The following PKD1L3 variants were observed in gnomAD, a reference collection of about 807,000 sequenced individuals.
PKD1L3 encodes the protein polycystin-1-like protein 3.
Under a neutral mutation model 184.1 loss-of-function variants are expected in PKD1L3, and 239 were observed. The observed-to-expected ratio is 1.30, with a 90% CI of 1.17 to 1.45. The LOEUF (loss-of-function observed/expected upper bound fraction) is 1.45, where lower values mean the gene tolerates loss of function less well. PKD1L3 is among the 40% of genes most tolerant of loss of function. The pLI is 0.00. For missense variants in PKD1L3, 2,660 were observed against 2,067.2 expected, an observed-to-expected ratio of 1.29 and a Z score of -5.56; for synonymous variants, 996 against 778.8, an observed-to-expected ratio of 1.28 and a Z score of -4.64.
At chr16:71,996,176 A>G (rs1173319123) in intron 2 of PKD1L3, among the ~76,000 whole-genome samples, 2 of 151,152 alleles carry the variant, frequency 1.3e-5, no homozygotes, top group African/African-American at 4.9e-5. Flanking sequence ...ACAACAGGAT[A>G]TGGACGCTGA....
At position 71,967,853 on chromosome 16, in the gene PKD1L3, G is replaced by A. The variant is rs184689720; in HGVS notation, c.2286+53C>T. On this transcript the variant is annotated intron_variant, in intron 14 of 29. Coordinates refer to ENST00000620267, the MANE Select transcript of PKD1L3 (RefSeq NM_181536.2). ...CCAGGATATCACCAACTCAGAGTGT[G>A]TCTCATGTGGCAGAAGACACAAGGC... 7.1e-6 allele frequency: 10 copies of A among 1,418,380 alleles called. No homozygotes were observed. The Admixed American group carries it at 2.0e-4, about 29-fold the overall frequency. 87.9% of individuals were successfully genotyped at this position (1,418,380 alleles called of 1,614,324 possible).
chr16:71,990,013 T>C (rs1312732600), intron 4 of PKD1L3, among the ~76,000 whole-genome samples: 1 of 149,552 alleles, frequency 6.7e-6, no homozygotes, highest in African/African-American at 2.5e-5. Context: ...AGGTAGAGGT[T>C]GCAGTGAGCC....
At chr16:71,961,253 G>C (rs1381197885) in intron 16 of PKD1L3, among the ~76,000 whole-genome samples, 1 of 152,060 alleles carries the variant, frequency 6.6e-6, no homozygotes, top group African/African-American at 2.4e-5. Flanking sequence ...CTCCCCAGTA[G>C]CTGGGACTAC....
At chr16:71,931,465 T>TC (rs1333444970) in intron 28 of PKD1L3, among the ~76,000 whole-genome samples, 1 of 138,858 alleles carries the variant, frequency 7.2e-6, no homozygotes, top group African/African-American at 2.9e-5. Flanking sequence ...CTCCCCCACT[T>TC]TTTTTTTTTT....
intron 24 of PKD1L3, among the ~76,000 whole-genome samples, chr16:71,940,210 A>T (rs1240780821): frequency 6.6e-6 from 1 of 152,082 alleles, no homozygotes; most frequent in Admixed American, 6.6e-5. Context: ...CTACCACCCC[A>T]TGACTAAAGG....
intron 16 of PKD1L3, among the ~76,000 whole-genome samples, chr16:71,962,327 TA>T (rs2039312608): frequency 6.6e-6 from 1 of 152,166 alleles, no homozygotes; most frequent in South Asian, 2.1e-4. Context: ...GGAGGTCAGA[TA>T]GCAGAGGTAT....
chr16:71,979,059 G>A (rs930524648), intron 9 of PKD1L3, among the ~76,000 whole-genome samples: 1 of 152,198 alleles, frequency 6.6e-6, no homozygotes, highest in South Asian at 2.1e-4. Context: ...ACTTGTATTT[G>A]TCAGGTAACT....
At chr16:71,978,131 T>C in intron 10 of PKD1L3, 124 bp downstream of exon 10, 1 of 1,181,386 alleles carries the variant, frequency 8.5e-7, no homozygotes. Flanking sequence ...TCCTAAGATG[T>C]TAATAACAAA....
rs2040669493 is a variant in PKD1L3 at position 71,993,449 on chromosome 16, T to C, written c.419-117A>G. 1.0e-5 allele frequency: 7 copies of C among 679,412 alleles called. No individual in the cohort carries two copies. In the East Asian group the frequency reaches 2.1e-4, roughly 20 times the overall value. 42.1% of individuals were successfully genotyped at this position (679,412 alleles called of 1,614,324 possible). On this transcript the variant is annotated intron_variant, in intron 2 of 29. Coordinates refer to ENST00000620267, the MANE Select transcript of PKD1L3 (RefSeq NM_181536.2). Reference sequence around the variant, plus strand: ...CAGGAAAACACAAATTAAAAATTCCTATCCAGTTTTTTAAGGACACTAAGA... The same window carrying C: ...CAGGAAAACACAAATTAAAAATTCCCATCCAGTTTTTTAAGGACACTAAGA...
intron 26 of PKD1L3, among the ~76,000 whole-genome samples, chr16:71,935,007 G>T (rs2038124535): frequency 6.6e-6 from 1 of 152,250 alleles, no homozygotes; most frequent in African/African-American, 2.4e-5. Context: ...TAAAGGATGG[G>T]ACTATGTGTT....
intron 2 of PKD1L3, among the ~76,000 whole-genome samples, chr16:71,994,212 T>C (rs2040698820): frequency 6.6e-6 from 1 of 152,186 alleles, no homozygotes; most frequent in Non-Finnish European, 1.5e-5. Context: ...TCGAGCAGCC[T>C]GCCTTCATAC....
intron 24 of PKD1L3, among the ~76,000 whole-genome samples, chr16:71,938,845 C>T (rs540537077): frequency 6.6e-5 from 10 of 152,234 alleles, no homozygotes; most frequent in Non-Finnish European, 1.2e-4. Context: ...TCTCACCCTC[C>T]AGTTGTCAGT....
At chr16:71,931,090 CTATT>C (rs1211021684) in intron 28 of PKD1L3, 1 of 152,032 alleles carries the variant, frequency 6.6e-6, no homozygotes, top group Non-Finnish European at 1.5e-5. Flanking sequence ...TTTGTTTGCT[CTATT>C]TGTTTTTTAA....
At position 71,953,105 on chromosome 16, in the gene PKD1L3, G is replaced by T. The variant is rs1288174523; in HGVS notation, c.2810-12C>A. The T allele has an allele frequency of 2.1e-6, 3 of 1,446,568 alleles. No individual in the cohort carries two copies. The highest frequency in any genetic ancestry group is 5.6e-5 in the East Asian group (2 of 35,854). The allele number at this position is 1,446,568 out of a possible 1,614,324, so 89.6% of individuals were successfully genotyped here. On this transcript the variant is annotated splice_polypyrimidine_tract_variant and intron_variant, in intron 17 of 29. Transcript: ENST00000620267. ...AGCAAATGGACGCACTGAAAGAAAA[G>T]CATGACATCAACTTTCATCTTCAAC...
rs766952572 is a variant in PKD1L3 at position 71,937,361 on chromosome 16, C to T, written c.4383G>A (p.Lys1461=). 2.6e-6 allele frequency: 4 copies of T among 1,551,570 alleles called. No individual in the cohort carries two copies. Among genetic ancestry groups the T allele is most frequent in the Non-Finnish European group, 3.5e-6 (4 of 1,146,990 alleles). Residue 1461 remains lysine (K), a synonymous_variant, in exon 25 of 30, where the codon AAG becomes AAA. Coordinates refer to ENST00000620267, the MANE Select transcript of PKD1L3 (RefSeq NM_181536.2). ...ESFTSLQMSK[K]GCVWSIISQV... ...GTGAGATGATAGACCAGACACAGCC[C>T]TTCTTTGACATCTGAAGGGAAGTGA...
At chr16:71,933,332 A>G (rs2038054389) in intron 28 of PKD1L3, 88 bp downstream of exon 28, 1 of 931,538 alleles carries the variant, frequency 1.1e-6, no homozygotes, top group Non-Finnish European at 1.7e-6. Context: ...TGTGCAGTGT[A>G]CAGTAGGGGG....
intron 16 of PKD1L3, among the ~76,000 whole-genome samples, chr16:71,960,960 T>C: frequency 6.6e-6 from 1 of 152,128 alleles, no homozygotes; most frequent in East Asian, 1.9e-4. Context: ...TCGCTACCCC[T>C]TAAGTTTTGG....
chr16:71,995,404 C>G (rs7191717), intron 2 of PKD1L3, among the ~76,000 whole-genome samples: 1 of 152,038 alleles, frequency 6.6e-6, no homozygotes, highest in Non-Finnish European at 1.5e-5. Flanking sequence ...AGGTACATTT[C>G]GAAAGGTCTC....
At chr16:71,994,715 C>G (rs1275160302) in intron 2 of PKD1L3, among the ~76,000 whole-genome samples, 1 of 152,144 alleles carries the variant, frequency 6.6e-6, no homozygotes, top group East Asian at 1.9e-4. Flanking sequence ...ACAATGTTAA[C>G]AGGCTGGGTG....
Sources: allele counts gnomAD v4.1 joint callset (sites outside exome capture counted in the v4.1 genomes callset), GRCh38; gene constraint gnomAD v4.1.1; transcripts MANE v1.5; gene names NCBI Gene and HGNC (gene_info 2026-07-23, HGNC 2026-07-21).